ENTR1: variants seen among roughly 807,000 people sequenced by gnomAD.
ENTR1 encodes endosome-associated-trafficking regulator 1.
Under a neutral mutation model 47.9 loss-of-function variants are expected in ENTR1, and 47 were observed. The observed-to-expected ratio is 0.98, with a 90% CI of 0.78 to 1.25. The LOEUF is 1.25. Among genes scored for constraint, ENTR1 ranks in the 50% most tolerant of loss-of-function variants. The probability of loss-of-function intolerance (pLI) is 0.00; values close to 1 mark genes in which losing one functional copy is unlikely to be tolerated. For missense variants in ENTR1, 668 were observed against 570.5 expected, an observed-to-expected ratio of 1.17 and a Z score of -1.74; for synonymous variants, 290 against 245.8, an observed-to-expected ratio of 1.18 and a Z score of -1.68.
At chr9:136,402,909 A>G (rs1188058677) in intron 9 of ENTR1, 22 bp from the exon 10 acceptor site, 2 of 1,408,738 alleles carry the variant, frequency 1.4e-6, no homozygotes, top group Non-Finnish European at 1.9e-6. Flanking sequence ...CATGGATATC[A>G]GGATGGGTGG....
intron 4 of ENTR1, 44 bp downstream of exon 4, chr9:136,407,782 A>G (rs773140050): frequency 1.3e-6 from 2 of 1,490,716 alleles, no homozygotes; most frequent in African/African-American, 2.8e-5. Flanking sequence ...AGGCCGGAAC[A>G]GAAACGTCCC....
rs1398192063 is a variant in ENTR1, at chr9:136,407,132, G to A, written c.819+13C>T. The A allele has an allele frequency of 2.5e-6, 4 of 1,577,072 alleles. No individual in the cohort carries two copies. Among genetic ancestry groups the A allele is most frequent in the South Asian group, 1.1e-5 (1 of 87,266 alleles). On this transcript the variant is annotated intron_variant, in intron 5 of 9. Transcript: ENST00000357365. ...CAGGCGCTGTGCCAGAGGGCGCCGTGAGGCTCACTTACTGCGTCGTAACTT... is the reference window on the plus strand; with the variant it reads ...CAGGCGCTGTGCCAGAGGGCGCCGTAAGGCTCACTTACTGCGTCGTAACTT...
chr9:136,410,338 G>C lies in ENTR1; in HGVS notation c.60C>G (p.Ala20=). ...CCCTGCCCCGCTCACCGTCGGGAAT[G>C]GCGAGGCTCCGGGCTCGGGACAGCG... ...ATPLSRARSL[A]IPDAPAFYER... Residue 20 remains alanine, a synonymous_variant, in exon 1 of 10, where the codon GCC becomes GCG. Transcript: ENST00000357365. The C allele has an allele frequency of 6.5e-7, 1 of 1,545,712 alleles. No individual in the cohort carries two copies. Among genetic ancestry groups the C allele is most frequent in the Non-Finnish European group, 8.7e-7 (1 of 1,145,600 alleles).
intron 5 of ENTR1, 35 bp from the exon 6 acceptor site, chr9:136,406,013 C>T (rs1293255572): frequency 3.9e-6 from 6 of 1,533,766 alleles, no homozygotes; most frequent in African/African-American, 1.4e-5. Flanking sequence ...AGAAAGTCAG[C>T]ATGTCTGGCT....
Position 136,404,559 on chromosome 9 carries a change from CTCTT to C in ENTR1, c.1068+68_1068+71del, listed in dbSNP as rs1834667846. The C allele has an allele frequency of 5.2e-6, 8 of 1,524,664 alleles. No individual in the cohort carries two copies. The South Asian group carries it at 9.0e-5, about 17-fold the overall frequency. The allele number at this position is 1,524,664 out of a possible 1,614,324, so 94.4% of individuals were successfully genotyped here. On this transcript the variant is annotated intron_variant, in intron 8 of 9. Coordinates refer to ENST00000357365, the MANE Select transcript of ENTR1 (RefSeq NM_001039707.2). ...GGGAAACCCCAGCAGAGTCTTTCGC[CTCTT>C]TCTTACTGAATTCATTATGTGACTC...
Position 136,405,715 on chromosome 9 carries a change from C to T in ENTR1, c.893+190G>A, listed in dbSNP as rs374930265. On this transcript the variant is annotated intron_variant, in intron 6 of 9. Transcript: ENST00000357365. ...CGTGATTGCGCCACTGCACCCGAGC[C>T]TGGGTGACACGGCAAGACTGTCTCA... Among the ~76,000 whole-genome samples, 46 of 152,320 alleles carry T rather than the reference C, an allele frequency of 3.0e-4. No individual in the cohort carries two copies. In the East Asian group the frequency reaches 5.0e-3, roughly 17 times the overall value.
rs755949345 is a variant in ENTR1 at position 136,408,981 on chromosome 9, G to T, written c.289+18C>A. Reference sequence around the variant, plus strand: ...TGTTGGATGGAGACAAGAAGAAAAGGTTGCTGAACTACTCTACCTCCAAAA... The same window carrying T: ...TGTTGGATGGAGACAAGAAGAAAAGTTTGCTGAACTACTCTACCTCCAAAA... On this transcript the variant is annotated intron_variant, in intron 3 of 9. Coordinates refer to ENST00000357365, the MANE Select transcript of ENTR1 (RefSeq NM_001039707.2). 5 of 1,610,410 alleles carry T rather than the reference G, an allele frequency of 3.1e-6. No individual in the cohort carries two copies. Among genetic ancestry groups the T allele is most frequent in the Non-Finnish European group, 4.2e-6 (5 of 1,176,834 alleles).
intron 9 of ENTR1, among the ~76,000 whole-genome samples, chr9:136,403,179 A>AGGGGAGGGTTTCCAGAGC (rs1834574587): frequency 9.4e-5 from 1 of 10,692 alleles, no homozygotes; most frequent in Admixed American, 1.2e-3. Flanking sequence ...TGGGGAAGGA[A>AGGGGAGGGTTTCCAGAGC]GGGGAGGGTT....
Position 136,410,122 on chromosome 9 carries a change from GGCACATA to G in ENTR1, c.181_187del (p.Tyr61ProfsTer53). 1 of 1,612,840 alleles carries G rather than the reference GGCACATA, an allele frequency of 6.2e-7. No individual in the cohort carries two copies. The highest frequency in any genetic ancestry group is 8.5e-7 in the Non-Finnish European group (1 of 1,179,958). The stretch of plus-strand genomic sequence containing the variant: ...TCCCACGGAAGCCAGCACCGGGCTG[GGCACATA>G]GCACATAAAGGCCGGCCGAATGCCG... On this transcript the variant is annotated frameshift_variant, in exon 2 of 10. Transcript: ENST00000357365. LOFTEE classifies it high-confidence loss of function.
At chr9:136,409,275 G>A (rs573789110) in intron 2 of ENTR1, among the ~76,000 whole-genome samples, 6 of 152,036 alleles carry the variant, frequency 3.9e-5, no homozygotes, top group Admixed American at 2.6e-4. Context: ...CCGCCTCCTG[G>A]GTTCACGCCA....
In ENTR1 at chr9:136,410,405, G is replaced by T; in HGVS notation, c.-8C>A. 1 of 1,359,842 alleles carries T rather than the reference G, an allele frequency of 7.4e-7. No individual in the cohort carries two copies. Among genetic ancestry groups the T allele is most frequent in the Non-Finnish European group, 9.4e-7 (1 of 1,065,124 alleles). The allele number at this position is 1,359,842 out of a possible 1,614,324, so 84.2% of individuals were successfully genotyped here. On this transcript the variant is annotated 5_prime_UTR_variant, in exon 1 of 10. Coordinates refer to ENST00000357365, the MANE Select transcript of ENTR1 (RefSeq NM_001039707.2). ...GCGCTGGTAGCCCGACATCGCCGCC[G>T]GCCCGGCGGGGCACGACCTGCCTAG...
rs1430257251 is a variant in ENTR1, at chr9:136,405,456, G to T, written c.894-254C>A. ...TTGCCTAAAGTTTAAAATAAACCTTGGCCAGGCGCCGTGGCTCATGCCTAT... is the reference window on the plus strand; with the variant it reads ...TTGCCTAAAGTTTAAAATAAACCTTTGCCAGGCGCCGTGGCTCATGCCTAT... On this transcript the variant is annotated intron_variant, in intron 6 of 9. Transcript: ENST00000357365. The T allele has an allele frequency of 8.5e-6, 4 of 469,132 alleles. No homozygotes were observed. In the East Asian group the frequency reaches 1.6e-4, roughly 19 times the overall value. 29.1% of individuals were successfully genotyped at this position (469,132 alleles called of 1,614,324 possible). A position where few individuals can be genotyped will look rare whatever the true frequency, so the allele number is the denominator to read the frequency against.
In ENTR1 at chr9:136,407,252, G is replaced by A. The variant is rs908650891; in HGVS notation, c.712C>T (p.Arg238Cys). 8 of 1,613,102 alleles carry A rather than the reference G, an allele frequency of 5.0e-6. No individual in the cohort carries two copies. The highest frequency in any genetic ancestry group is 2.5e-6 in the Non-Finnish European group (3 of 1,179,988). ...CCTGCCGGAGAGGCCGGAGACACGC[G>A]AGAATCAGTGTCACTCAACGCCCAC... ...PSWALSDTDS[R>C]VSPASPAGSP... Residue 238 changes from arginine to cysteine, a missense_variant, in exon 5 of 10, where the codon CGC (arginine) becomes TGC (cysteine). Coordinates refer to ENST00000357365, the MANE Select transcript of ENTR1 (RefSeq NM_001039707.2).
rs1834539574 is a variant in ENTR1 at position 136,402,657 on chromosome 9, C to G, written c.*131G>C. On this transcript the variant is annotated 3_prime_UTR_variant, in exon 10 of 10. Coordinates refer to ENST00000357365, the MANE Select transcript of ENTR1 (RefSeq NM_001039707.2). ...CCAAGAACTGGCTGAGGGCACGACA[C>G]TGGACTCTTGCGATCAACACTTTAC... is the stretch of plus-strand genomic sequence containing the variant. The G allele has an allele frequency of 7.7e-6, 5 of 650,440 alleles. No homozygotes were observed. Among genetic ancestry groups the G allele is most frequent in the Non-Finnish European group, 1.3e-5 (5 of 371,946 alleles). 40.3% of individuals were successfully genotyped at this position (650,440 alleles called of 1,614,324 possible).
intron 5 of ENTR1, 69 bp from the exon 6 acceptor site, chr9:136,406,047 T>A: frequency 8.7e-7 from 1 of 1,148,844 alleles, no homozygotes; most frequent in Non-Finnish European, 1.3e-6. Context: ...GCTTCTGCGG[T>A]GTGGCTCCAG....
intron 8 of ENTR1, 83 bp downstream of exon 8, chr9:136,404,546 CAG>C (rs769211217): frequency 7.0e-6 from 10 of 1,422,440 alleles, no homozygotes; most frequent in African/African-American, 1.4e-5. Context: ...GAAACCCCAG[CAG>C]AGTCTTTCGC....
In ENTR1 at chr9:136,408,330, G is replaced by A. The variant is rs377129512; in HGVS notation, c.290-392C>T. On this transcript the variant is annotated intron_variant, in intron 3 of 9. Coordinates refer to ENST00000357365, the MANE Select transcript of ENTR1 (RefSeq NM_001039707.2). ...TGTGGTGGCTCACGCCTGTACCCCA[G>A]CACTGTGGGAGGTCAAGGCGGGCGG... Among the ~76,000 whole-genome samples, 642 of 151,842 alleles carry A rather than the reference G, an allele frequency of 4.2e-3. 3 individuals are homozygous for A. The highest frequency in any genetic ancestry group is 0.015 in the African/African-American group (607 of 41,382).
chr9:136,407,735 C>A, intron 4 of ENTR1, 91 bp downstream of exon 4: 1 of 1,369,956 alleles, frequency 7.3e-7, no homozygotes. Context: ...GCCTGCTCTG[C>A]CACACTCATG....
rs899421075 is a variant in ENTR1 at position 136,404,228 on chromosome 9, C to G, written c.1069-34G>C. 1.9e-6 allele frequency: 3 copies of G among 1,563,978 alleles called. No individual in the cohort carries two copies. The South Asian group carries it at 3.5e-5, about 18-fold the overall frequency. On this transcript the variant is annotated intron_variant, in intron 8 of 9. Transcript: ENST00000357365. ...ACGGTTACGGCTAAGGACAGAGCAG[C>G]TCCGAGGCAACCCGGCTGAAAGTCA... is the stretch of plus-strand genomic sequence containing the variant.
Sources: gnomAD v4.1 joint callset for allele counts (sites outside exome capture counted in the v4.1 genomes callset) on GRCh38, gnomAD v4.1.1 for gene constraint, MANE v1.5 for transcripts, NCBI Gene and HGNC (gene_info 2026-07-23, HGNC 2026-07-21) for gene names.